CSMD1: variants seen among roughly 807,000 people sequenced by gnomAD.
CSMD1 encodes CUB and sushi domain-containing protein 1.
A neutral mutation model predicts 417.5 loss-of-function variants in CSMD1; 213 were observed. That is an observed-to-expected ratio of 0.51 (90% CI 0.46 to 0.57). CSMD1 has a LOEUF of 0.57. Among genes scored for constraint, CSMD1 ranks in the 20% least tolerant of loss-of-function variants. The probability of loss-of-function intolerance (pLI) is 0.00; values close to 1 mark genes in which losing one functional copy is unlikely to be tolerated. For missense variants in CSMD1, 6,923 were observed against 4,529.7 expected (o/e 1.53, Z -15.17); for synonymous variants, 2,862 against 1,736.8 (o/e 1.65, Z -16.11).
At chr8:3,371,241 G>A (rs1032255391) in intron 18 of CSMD1, among the ~76,000 whole-genome samples, 2 of 152,118 alleles carry the variant, frequency 1.3e-5, no homozygotes, top group Non-Finnish European at 2.9e-5. Context: ...TCCTGGTTCT[G>A]TTTCTCTGGA....
intron 3 of CSMD1, among the ~76,000 whole-genome samples, chr8:4,208,426 T>A (rs1585025313): frequency 6.6e-6 from 1 of 152,186 alleles, no homozygotes; most frequent in African/African-American, 2.4e-5. Context: ...AAAACTCTAT[T>A]ATGGTTTTTC....
chr8:4,727,656 G>T, intron 1 of CSMD1, among the ~76,000 whole-genome samples: 1 of 151,894 alleles, frequency 6.6e-6, no homozygotes, highest in Non-Finnish European at 1.5e-5. Flanking sequence ...AAATCCACGG[G>T]GACCAGCTCT....
At chr8:3,293,712 C>T (rs542090020) in intron 25 of CSMD1, among the ~76,000 whole-genome samples, 2 of 151,984 alleles carry the variant, frequency 1.3e-5, no homozygotes, top group African/African-American at 2.4e-5. Flanking sequence ...ATTGGTTATT[C>T]TAGTTAGCCA....
intron 10 of CSMD1, among the ~76,000 whole-genome samples, chr8:3,565,008 A>AAGGTCTGTGC (rs59375270): frequency 0.34 from 51,916 of 150,750 alleles, 9,282 homozygotes; most frequent in African/African-American, 0.43. Flanking sequence ...AGGTGATGGG[A>AAGGTCTGTGC]AGCAAAGCAC....
At chr8:4,554,268 C>A (rs1379810389) in intron 2 of CSMD1, among the ~76,000 whole-genome samples, 1 of 152,086 alleles carries the variant, frequency 6.6e-6, no homozygotes, top group Non-Finnish European at 1.5e-5. Flanking sequence ...TCCTGAGTAG[C>A]TGAGACTACA....
intron 2 of CSMD1, among the ~76,000 whole-genome samples, chr8:4,453,131 T>G (rs562961094): frequency 6.6e-6 from 1 of 151,950 alleles, no homozygotes. Context: ...TGGACACATG[T>G]GTCACCAATT....
intron 3 of CSMD1, among the ~76,000 whole-genome samples, chr8:4,070,393 T>C (rs1176177038): frequency 1.3e-5 from 2 of 152,182 alleles, no homozygotes; most frequent in Non-Finnish European, 2.9e-5. Context: ...AGTCTCGCTG[T>C]GTCGCCCAGG....
chr8:3,102,906 T>G (rs537532325), intron 46 of CSMD1, among the ~76,000 whole-genome samples: 1 of 152,184 alleles, frequency 6.6e-6, no homozygotes, highest in South Asian at 2.1e-4. Context: ...CCTTTTAGAA[T>G]TCAACGAGTT....
At chr8:3,021,454 G>A (rs1209096333) in intron 51 of CSMD1, among the ~76,000 whole-genome samples, 1 of 152,164 alleles carries the variant, frequency 6.6e-6, no homozygotes, top group Non-Finnish European at 1.5e-5. Context: ...TACACCGAAG[G>A]GAAAGCCTTA....
chr8:3,494,049 A>T lies in CSMD1; in HGVS notation c.1345-323T>A, dbSNP rs532321456. 1.2e-3 allele frequency among the ~76,000 whole-genome samples: 182 copies of T among 152,350 alleles called. 2 individuals are homozygous for T. The highest frequency in any genetic ancestry group is 3.5e-3 in the Admixed American group (53 of 15,298). On this transcript the variant is annotated intron_variant, in intron 10 of 69. Transcript: ENST00000635120. ...ACATTCTCAGTGCTTAACTAAATCA[A>T]TATTAGCAAAAGAAATGTTGGTTAT...
At chr8:3,288,014 G>C (rs988357332) in intron 25 of CSMD1, among the ~76,000 whole-genome samples, 3 of 147,232 alleles carry the variant, frequency 2.0e-5, no homozygotes, top group Non-Finnish European at 2.9e-5. Flanking sequence ...TAGCATGAAA[G>C]GTTGTTGAAT....
At chr8:4,975,730 T>C (rs1810516290) in intron 1 of CSMD1, among the ~76,000 whole-genome samples, 1 of 152,174 alleles carries the variant, frequency 6.6e-6, no homozygotes, top group Non-Finnish European at 1.5e-5. Flanking sequence ...TCTGATGTGC[T>C]GAGACAATGA....
At chr8:4,437,164 A>C (rs1798195336) in intron 2 of CSMD1, among the ~76,000 whole-genome samples, 1 of 152,224 alleles carries the variant, frequency 6.6e-6, no homozygotes, top group Admixed American at 6.5e-5. Flanking sequence ...AATCCAATCC[A>C]ACAAAACAAA....
chr8:4,065,989 G>A (rs1033945384), intron 3 of CSMD1, among the ~76,000 whole-genome samples: 3 of 152,168 alleles, frequency 2.0e-5, no homozygotes, highest in East Asian at 3.8e-4. Context: ...TAAAATAGGG[G>A]AAGGAGACCC....
chr8:3,859,668 G>A (rs1246454076), intron 5 of CSMD1, among the ~76,000 whole-genome samples: 2 of 152,076 alleles, frequency 1.3e-5, no homozygotes, highest in Non-Finnish European at 2.9e-5. Flanking sequence ...TCAACCATAT[G>A]GGCAATTAAT....
intron 3 of CSMD1, among the ~76,000 whole-genome samples, chr8:4,161,473 G>A (rs1250472328): frequency 2.0e-5 from 3 of 152,138 alleles, no homozygotes; most frequent in Non-Finnish European, 4.4e-5. Flanking sequence ...CTTACTCAAG[G>A]TCATGCTGCT....
At chr8:4,605,857 A>T (rs13264521) in intron 2 of CSMD1, among the ~76,000 whole-genome samples, 86,835 of 151,952 alleles carry the variant, frequency 0.57, 25,632 homozygotes, top group African/African-American at 0.74. Flanking sequence ...TGCCGTGTCA[A>T]ATTCCAGCCA....
At chr8:4,351,193 G>C (rs567399384) in intron 3 of CSMD1, among the ~76,000 whole-genome samples, 1 of 152,150 alleles carries the variant, frequency 6.6e-6, no homozygotes, top group South Asian at 2.1e-4. Flanking sequence ...ATGACTTCTA[G>C]GAGTTAATAA....
intron 2 of CSMD1, among the ~76,000 whole-genome samples, chr8:4,464,229 T>C (rs1330126377): frequency 6.6e-6 from 1 of 152,152 alleles, no homozygotes; most frequent in East Asian, 1.9e-4. Flanking sequence ...CACTGCCTCT[T>C]AACATTCCCA....
Sources: gnomAD v4.1 joint callset for allele counts (sites outside exome capture counted in the v4.1 genomes callset) on GRCh38, gnomAD v4.1.1 for gene constraint, MANE v1.5 for transcripts, NCBI Gene and HGNC (gene_info 2026-07-23, HGNC 2026-07-21) for gene names.